OR14A16: variants seen among roughly 807,000 people sequenced by gnomAD.
The protein encoded by OR14A16 is olfactory receptor 14A16.
For missense variants in OR14A16, 341 were observed against 366.5 expected, an observed-to-expected ratio of 0.93 and a Z score of 0.57; for synonymous variants, 135 against 137.6, an observed-to-expected ratio of 0.98 and a Z score of 0.13.
intron 1 of OR14A16, among the ~76,000 whole-genome samples, chr1:247,822,724 T>C (rs1181301824): frequency 6.6e-6 from 1 of 152,196 alleles, no homozygotes; most frequent in Non-Finnish European, 1.5e-5. Context: ...CTAATACATC[T>C]TTCAAATTAC....
intron 1 of OR14A16, among the ~76,000 whole-genome samples, chr1:247,821,056 T>C (rs1662727986): frequency 6.6e-6 from 1 of 152,252 alleles, no homozygotes; most frequent in Non-Finnish European, 1.5e-5. Flanking sequence ...AATTTCAACA[T>C]ATTTGTGAAG....
intron 2 of OR14A16, among the ~76,000 whole-genome samples, chr1:247,816,855 C>T (rs994052880): frequency 1.5e-4 from 7 of 45,792 alleles, no homozygotes; most frequent in Admixed American, 9.3e-4. Context: ...TATGTTTTCT[C>T]TTTCAAGCTT....
At chr1:247,821,296 C>G (rs2103286674) in intron 1 of OR14A16, among the ~76,000 whole-genome samples, 1 of 152,328 alleles carries the variant, frequency 6.6e-6, no homozygotes. Context: ...AAGTGTAGTT[C>G]AAGTCCAATC....
chr1:247,818,404 G>T (rs1023649898), intron 2 of OR14A16, among the ~76,000 whole-genome samples: 1 of 152,120 alleles, frequency 6.6e-6, no homozygotes, highest in Non-Finnish European at 1.5e-5. Context: ...CTGAATGAAA[G>T]GAAATCAGTA....
intron 2 of OR14A16, among the ~76,000 whole-genome samples, chr1:247,818,622 A>G (rs1418245550): frequency 6.6e-6 from 1 of 152,212 alleles, no homozygotes; most frequent in Non-Finnish European, 1.5e-5. Flanking sequence ...CAAATTTTGC[A>G]TGTTCTCACT....
chr1:247,815,764 C>A lies in OR14A16; in HGVS notation c.-15-20G>T, dbSNP rs772785246. 36 of 1,088,664 alleles carry A rather than the reference C, an allele frequency of 3.3e-5. No homozygotes were observed. The East Asian group carries it at 8.3e-4, about 25-fold the overall frequency. 67.4% of individuals were successfully genotyped at this position (1,088,664 alleles called of 1,614,324 possible). ...AGTAATCTGCAGGAAAAGGAGAAGA[C>A]TGAAGTAAAATATCAATGTCCACTC... is the stretch of plus-strand genomic sequence containing the variant. On this transcript the variant is annotated intron_variant, in intron 2 of 2. Coordinates refer to ENST00000641093, the MANE Select transcript of OR14A16 (RefSeq NM_001001966.2).
At chr1:247,817,956 A>G (rs1428212594) in intron 2 of OR14A16, among the ~76,000 whole-genome samples, 1 of 152,138 alleles carries the variant, frequency 6.6e-6, no homozygotes, top group African/African-American at 2.4e-5. Flanking sequence ...AAAAAGTAGT[A>G]TTTTATCCCA....
In OR14A16 at chr1:247,814,820, C is replaced by A; in HGVS notation, c.910G>T (p.Gly304Ter). 3.2e-6 allele frequency: 5 copies of A among 1,563,136 alleles called. No individual in the cohort carries two copies. In the South Asian group the frequency reaches 3.7e-5, roughly 12 times the overall value. Residue 304 changes from glycine (G) to a stop codon, truncating the protein, a stop_gained, in exon 3 of 3, where the codon GGA becomes TGA. Coordinates refer to ENST00000641093, the MANE Select transcript of OR14A16 (RefSeq NM_001001966.2). LOFTEE classifies it high-confidence loss of function. ...IKVALGMLIK[G>*]KLTKK Reference sequence around the variant, plus strand: ...AGCTTTTACTTTTTGGTGAGCTTTCCCTTTATCAACATCCCCAGAGCCACC... The same window carrying A: ...AGCTTTTACTTTTTGGTGAGCTTTCACTTTATCAACATCCCCAGAGCCACC...
At chr1:247,819,731 T>C (rs1469022146) in intron 1 of OR14A16, among the ~76,000 whole-genome samples, 1 of 152,170 alleles carries the variant, frequency 6.6e-6, no homozygotes, top group Non-Finnish European at 1.5e-5. Context: ...AATTTTTTAG[T>C]TTACGATAAA....
In OR14A16 at chr1:247,815,649, A is replaced by G; in HGVS notation, c.81T>C (p.Ile27=). The part of the protein sequence containing the change: ...TNKNMCILHS[I]LFLLIYLCAL... ...CACACAAATAAATCAACAAGAAGAG[A>G]ATCGAATGCAAAATGCACATATTTT... Residue 27 remains isoleucine, a synonymous_variant, in exon 3 of 3, where the codon ATT becomes ATC. Coordinates refer to ENST00000641093, the MANE Select transcript of OR14A16 (RefSeq NM_001001966.2). 6.2e-7 allele frequency: 1 copy of G among 1,611,186 alleles called. No homozygotes were observed. Among genetic ancestry groups the G allele is most frequent in the Non-Finnish European group, 8.5e-7 (1 of 1,177,372 alleles).
intron 1 of OR14A16, among the ~76,000 whole-genome samples, chr1:247,823,236 T>C (rs1662773052): frequency 6.6e-6 from 1 of 152,152 alleles, no homozygotes; most frequent in Non-Finnish European, 1.5e-5. Flanking sequence ...ATGCCTGTAA[T>C]CCCAATGTTT....
chr1:247,817,879 A>G (rs887520130), intron 2 of OR14A16, among the ~76,000 whole-genome samples: 1 of 152,156 alleles, frequency 6.6e-6, no homozygotes, highest in Non-Finnish European at 1.5e-5. Context: ...CTCAACGAAG[A>G]TACTATAATG....
At chr1:247,822,321 G>C (rs1441213189) in intron 1 of OR14A16, among the ~76,000 whole-genome samples, 8 of 74,834 alleles carry the variant, frequency 1.1e-4, no homozygotes, top group South Asian at 5.5e-4. Context: ...TGGCGGGGGG[G>C]GAGGGTGGGG....
intron 1 of OR14A16, among the ~76,000 whole-genome samples, chr1:247,823,174 C>G (rs772260536): frequency 2.0e-5 from 3 of 151,952 alleles, no homozygotes; most frequent in Non-Finnish European, 4.4e-5. Context: ...AGGTGAAGAT[C>G]TAGAGTTGTG....
chr1:247,815,673 T>G lies in OR14A16; in HGVS notation c.57A>C (p.Lys19Asn). Residue 19 changes from lysine to asparagine, a missense_variant, in exon 3 of 3, where the codon AAA becomes AAC. Coordinates refer to ENST00000641093, the MANE Select transcript of OR14A16 (RefSeq NM_001001966.2). ...EFILMGFSTN[K>N]NMCILHSILF... ...GAATCGAATGCAAAATGCACATATT[T>G]TTATTGGTAGAAAACCCCATAAGGA... 1 of 1,611,116 alleles carries G rather than the reference T, an allele frequency of 6.2e-7. No individual in the cohort carries two copies. The highest frequency in any genetic ancestry group is 8.5e-7 in the Non-Finnish European group (1 of 1,177,724).
intron 1 of OR14A16, among the ~76,000 whole-genome samples, chr1:247,821,404 T>C (rs1258355228): frequency 2.0e-5 from 3 of 152,230 alleles, no homozygotes; most frequent in Admixed American, 6.5e-5. Flanking sequence ...TATCTCTCTT[T>C]TCAGATAAAG....
chr1:247,816,785 T>C (rs1662629811), intron 2 of OR14A16, among the ~76,000 whole-genome samples: 1 of 152,180 alleles, frequency 6.6e-6, no homozygotes, highest in Non-Finnish European at 1.5e-5. Context: ...ATTACTCACT[T>C]TTCTTTTTTA....
intron 2 of OR14A16, among the ~76,000 whole-genome samples, chr1:247,817,200 C>T (rs1277158706): frequency 6.6e-6 from 1 of 152,078 alleles, no homozygotes; most frequent in Non-Finnish European, 1.5e-5. Flanking sequence ...TTCTTTGGTT[C>T]TTTCTTTTAA....
rs755536505 is a variant in OR14A16 at position 247,815,688 on chromosome 1, C to T, written c.42G>A (p.Gly14=). The T allele has an allele frequency of 6.2e-6, 10 of 1,608,214 alleles. No individual in the cohort carries two copies. The highest frequency in any genetic ancestry group is 1.6e-4 in the Middle Eastern group (1 of 6,076). ...LTIVTEFILM[G]FSTNKNMCIL... The stretch of plus-strand genomic sequence containing the variant: ...TGCACATATTTTTATTGGTAGAAAA[C>T]CCCATAAGGATAAATTCAGTCACGA... Residue 14 remains glycine (G), a synonymous_variant, in exon 3 of 3, where the codon GGG becomes GGA. Coordinates refer to ENST00000641093, the MANE Select transcript of OR14A16 (RefSeq NM_001001966.2).
Sources: allele counts gnomAD v4.1 joint callset (sites outside exome capture counted in the v4.1 genomes callset), GRCh38; gene constraint gnomAD v4.1.1; transcripts MANE v1.5; gene names NCBI Gene and HGNC (gene_info 2026-07-23, HGNC 2026-07-21).